MGMT: variants seen among roughly 807,000 people sequenced by gnomAD.
The protein encoded by MGMT is O-6-methylguanine-DNA methyltransferase.
Under a neutral mutation model 15.9 loss-of-function variants are expected in MGMT, and 14 were observed. That is an observed-to-expected ratio of 0.88 (90% confidence interval 0.58 to 1.37). The LOEUF is 1.37. MGMT is among the 40% of genes most tolerant of loss of function. The probability of loss-of-function intolerance (pLI) is 0.00; values close to 1 mark genes in which losing one functional copy is unlikely to be tolerated. For missense variants in MGMT, 282 were observed against 268.1 expected (o/e 1.05, Z -0.36); for synonymous variants, 130 against 118.2 (o/e 1.10, Z -0.65).
At chr10:129,692,362 G>A (rs1033449333) in intron 2 of MGMT, among the ~76,000 whole-genome samples, 4 of 152,156 alleles carry the variant, frequency 2.6e-5, no homozygotes, top group South Asian at 2.1e-4. Context: ...CCTATCAGGC[G>A]CCTTCTATGC....
At chr10:129,489,681 C>A (rs1845448343) in intron 1 of MGMT, among the ~76,000 whole-genome samples, 1 of 152,260 alleles carries the variant, frequency 6.6e-6, no homozygotes, top group Middle Eastern at 3.4e-3. Flanking sequence ...ACAGCTTGTG[C>A]ACCTTTTGAA....
At chr10:129,616,349 C>T (rs1337220264) in intron 2 of MGMT, among the ~76,000 whole-genome samples, 1 of 152,206 alleles carries the variant, frequency 6.6e-6, no homozygotes, top group Non-Finnish European at 1.5e-5. Context: ...CAGTGCTGGT[C>T]GCCTCCAGGT....
intron 2 of MGMT, among the ~76,000 whole-genome samples, chr10:129,683,008 C>T (rs1250937294): frequency 2.0e-5 from 3 of 152,192 alleles, no homozygotes; most frequent in Admixed American, 1.3e-4. Flanking sequence ...GCCACCATGT[C>T]CGGCTAATTT....
intron 2 of MGMT, among the ~76,000 whole-genome samples, chr10:129,612,341 T>C (rs1267686587): frequency 6.6e-6 from 1 of 152,166 alleles, no homozygotes; most frequent in Non-Finnish European, 1.5e-5. Context: ...CGGAGAGGTA[T>C]AGCGAAGCAT....
At chr10:129,518,088 C>T (rs556076305) in intron 1 of MGMT, among the ~76,000 whole-genome samples, 23 of 152,068 alleles carry the variant, frequency 1.5e-4, no homozygotes, top group African/African-American at 5.3e-4. Flanking sequence ...TGTGGGATGG[C>T]TGCACCGGGC....
intron 2 of MGMT, among the ~76,000 whole-genome samples, chr10:129,690,406 G>T (rs1237970218): frequency 6.6e-6 from 1 of 152,180 alleles, no homozygotes; most frequent in Non-Finnish European, 1.5e-5. Context: ...TAATTCATCA[G>T]TCTTTGCTGT....
At chr10:129,605,826 C>T (rs985781921) in intron 2 of MGMT, among the ~76,000 whole-genome samples, 62 of 151,954 alleles carry the variant, frequency 4.1e-4, no homozygotes, top group African/African-American at 1.3e-3. Flanking sequence ...TATGTGCTTG[C>T]GTGGCCAAAA....
At chr10:129,765,461 C>A (rs1464544702) in intron 4 of MGMT, among the ~76,000 whole-genome samples, 1 of 152,206 alleles carries the variant, frequency 6.6e-6, no homozygotes, top group Non-Finnish European at 1.5e-5. Context: ...GAGAGATGCC[C>A]ATATGTTACT....
chr10:129,529,658 T>A (rs1297131016), intron 1 of MGMT, among the ~76,000 whole-genome samples: 1 of 121,064 alleles, frequency 8.3e-6, no homozygotes, highest in African/African-American at 3.3e-5. Context: ...TATTCTAATC[T>A]TTATTTTTTT....
chr10:129,478,490 A>G (rs544011613), intron 1 of MGMT, among the ~76,000 whole-genome samples: 28 of 152,344 alleles, frequency 1.8e-4, no homozygotes, highest in East Asian at 1.7e-3. Context: ...ATGGGGGGAC[A>G]TAGAAAAGGT....
At chr10:129,735,397 G>C (rs1374303329) in intron 3 of MGMT, among the ~76,000 whole-genome samples, 1 of 152,090 alleles carries the variant, frequency 6.6e-6, no homozygotes, top group Non-Finnish European at 1.5e-5. Flanking sequence ...CTGTGGGATT[G>C]GTGATGATAT....
rs372695215 is a variant in MGMT, at chr10:129,505,990, C to T, written c.-12-30251C>T. 4.7e-5 allele frequency among the ~76,000 whole-genome samples: 7 copies of T among 149,992 alleles called. No individual in the cohort carries two copies. The East Asian group carries it at 1.4e-3, about 29-fold the overall frequency. ...CGAGCTGAGACCTGCAGAGTGGTCT[C>T]TCGTCTGCAGTTGCTATTTTTTTTT... On this transcript the variant is annotated intron_variant, in intron 1 of 4. Transcript: ENST00000651593.
intron 3 of MGMT, among the ~76,000 whole-genome samples, chr10:129,749,481 T>C (rs1848730106): frequency 6.6e-6 from 1 of 152,218 alleles, no homozygotes; most frequent in Non-Finnish European, 1.5e-5. Context: ...CTGAATAATA[T>C]TCCATTGTAT....
At chr10:129,568,975 C>T (rs1487241164) in intron 2 of MGMT, among the ~76,000 whole-genome samples, 1 of 152,236 alleles carries the variant, frequency 6.6e-6, no homozygotes, top group Non-Finnish European at 1.5e-5. Context: ...CTGCCTCACA[C>T]ATTGGGCTTC....
chr10:129,599,527 C>T (rs1846792545), intron 2 of MGMT, among the ~76,000 whole-genome samples: 1 of 152,150 alleles, frequency 6.6e-6, no homozygotes, highest in South Asian at 2.1e-4. Context: ...GATCTTAATC[C>T]TTTTTCCTAG....
At chr10:129,672,979 A>G (rs1203062939) in intron 2 of MGMT, among the ~76,000 whole-genome samples, 1 of 152,144 alleles carries the variant, frequency 6.6e-6, no homozygotes, top group Admixed American at 6.5e-5. Context: ...AGCTCATTCT[A>G]ACCCTAGGGA....
chr10:129,483,887 T>TATAG (rs1845383556), intron 1 of MGMT, among the ~76,000 whole-genome samples: 1 of 152,052 alleles, frequency 6.6e-6, no homozygotes, highest in Non-Finnish European at 1.5e-5. Context: ...TAAATAGATA[T>TATAG]ATAGATAGAT....
chr10:129,716,676 C>G (rs761344625), intron 3 of MGMT, among the ~76,000 whole-genome samples: 3 of 152,158 alleles, frequency 2.0e-5, no homozygotes, highest in Non-Finnish European at 4.4e-5. Context: ...GGCACATTCC[C>G]CTGCTTTTCC....
chr10:129,487,618 T>C (rs12268651), intron 1 of MGMT, among the ~76,000 whole-genome samples: 8,919 of 152,010 alleles, frequency 0.059, 870 homozygotes, highest in African/African-American at 0.2. Context: ...ATATATGAAA[T>C]GCCTGTTCAT....
Sources: gnomAD v4.1 joint callset for allele counts (sites outside exome capture counted in the v4.1 genomes callset) on GRCh38, gnomAD v4.1.1 for gene constraint, MANE v1.5 for transcripts, NCBI Gene and HGNC (gene_info 2026-07-23, HGNC 2026-07-21) for gene names.